KIF16B: variants seen among roughly 807,000 people sequenced by gnomAD.
KIF16B encodes kinesin-like protein KIF16B.
A neutral mutation model predicts 156.3 loss-of-function variants in KIF16B; 98 were observed. The ratio of observed to expected loss-of-function variants is 0.63; its 90% CI spans 0.53 to 0.74. KIF16B has a LOEUF of 0.74. Ranked by LOEUF, KIF16B falls within the 30% of genes least tolerant of loss-of-function variation. The pLI is 0.00. For missense variants in KIF16B, 1,421 were observed against 1,606.5 expected, an observed-to-expected ratio of 0.88 and a Z score of 1.97; for synonymous variants, 564 against 583.7, an observed-to-expected ratio of 0.97 and a Z score of 0.49.
chr20:16,552,069 C>G (rs1275028511), intron 1 of KIF16B, among the ~76,000 whole-genome samples: 1 of 152,224 alleles, frequency 6.6e-6, no homozygotes, highest in Non-Finnish European at 1.5e-5. Flanking sequence ...GTCCTCAACT[C>G]TCAAGCATCA....
chr20:16,522,340 G>A (rs995507956), intron 3 of KIF16B, among the ~76,000 whole-genome samples: 7 of 151,976 alleles, frequency 4.6e-5, no homozygotes, highest in Non-Finnish European at 7.4e-5. Flanking sequence ...CCAAGCAAAT[G>A]GAAAGCAAAA....
chr20:16,475,846 T>C (rs1195132344), intron 12 of KIF16B, among the ~76,000 whole-genome samples: 3 of 152,248 alleles, frequency 2.0e-5, no homozygotes, highest in Non-Finnish European at 4.4e-5. Flanking sequence ...GATATTACCC[T>C]GGTACTCTGC....
At chr20:16,429,268 T>C (rs2066437209) in intron 13 of KIF16B, among the ~76,000 whole-genome samples, 1 of 152,232 alleles carries the variant, frequency 6.6e-6, no homozygotes, top group South Asian at 2.1e-4. Flanking sequence ...CTGATGTTCC[T>C]GATCCTTTCT....
chr20:16,461,708 T>G (rs1974635809), intron 12 of KIF16B, among the ~76,000 whole-genome samples: 1 of 152,156 alleles, frequency 6.6e-6, no homozygotes, highest in Admixed American at 6.5e-5. Context: ...AAATACCAAA[T>G]TTTAGTGACC....
chr20:16,449,053 T>C (rs934337929), intron 12 of KIF16B, among the ~76,000 whole-genome samples: 6 of 151,304 alleles, frequency 4.0e-5, no homozygotes, highest in Non-Finnish European at 7.4e-5. Flanking sequence ...CAAGAATAAA[T>C]AGATGAAAAT....
At chr20:16,485,130 T>C (rs1029408999) in intron 12 of KIF16B, among the ~76,000 whole-genome samples, 16 of 152,132 alleles carry the variant, frequency 1.1e-4, no homozygotes, top group Non-Finnish European at 2.4e-4. Context: ...GAGACCACCA[T>C]GTAAAGGCCT....
intron 23 of KIF16B, among the ~76,000 whole-genome samples, chr20:16,355,858 T>C (rs1568879605): frequency 6.6e-6 from 1 of 152,214 alleles, no homozygotes; most frequent in Non-Finnish European, 1.5e-5. Context: ...ATAGCTACAA[T>C]TTACTGTTTA....
chr20:16,333,783 CTT>C (rs1477740610), intron 24 of KIF16B, among the ~76,000 whole-genome samples: 6 of 152,176 alleles, frequency 3.9e-5, no homozygotes, highest in Non-Finnish European at 8.8e-5. Flanking sequence ...TCTGAAAACT[CTT>C]TTAAATATCT....
chr20:16,563,188 C>T (rs779158163), intron 1 of KIF16B, among the ~76,000 whole-genome samples: 4 of 152,206 alleles, frequency 2.6e-5, no homozygotes, highest in South Asian at 2.1e-4. Flanking sequence ...ACAAATGCTC[C>T]GCCCAGGGAT....
chr20:16,505,489 G>A (rs1291471684), intron 9 of KIF16B, among the ~76,000 whole-genome samples: 3 of 152,144 alleles, frequency 2.0e-5, no homozygotes, highest in Non-Finnish European at 2.9e-5. Context: ...AAAAGTCTTC[G>A]TGCATGTTAT....
chr20:16,382,754 C>A (rs531277851), intron 17 of KIF16B, among the ~76,000 whole-genome samples: 1 of 152,024 alleles, frequency 6.6e-6, no homozygotes, highest in African/African-American at 2.4e-5. Context: ...TACCTCCCCC[C>A]ACCCCACCAC....
At chr20:16,375,866 G>A (rs901925435) in intron 19 of KIF16B, among the ~76,000 whole-genome samples, 4 of 152,162 alleles carry the variant, frequency 2.6e-5, no homozygotes, top group African/African-American at 9.7e-5. Context: ...GATTTATATG[G>A]ATGGCAAGGG....
At chr20:16,554,681 G>A (rs2070783590) in intron 1 of KIF16B, among the ~76,000 whole-genome samples, 1 of 152,234 alleles carries the variant, frequency 6.6e-6, no homozygotes, top group Admixed American at 6.5e-5. Flanking sequence ...GAGAGAAGAG[G>A]GGAGAGAAGA....
Position 16,526,143 on chromosome 20 carries a change from A to G in KIF16B, c.180T>C (p.Phe60=). 1 of 1,610,596 alleles carries G rather than the reference A, an allele frequency of 6.2e-7. No homozygotes were observed. The highest frequency in any genetic ancestry group is 8.5e-7 in the Non-Finnish European group (1 of 1,178,364). ...TTTTTGTATCAGCAGAATAAAAAGA[A>G]AAGTCATAGGTGAAGGTCTTGGTCC... ...RERTKTFTYD[F]SFYSADTKSP... The change falls in exon 3 of 26, where the codon TTT becomes TTC. Residue 60 remains phenylalanine, a synonymous_variant. Transcript: ENST00000354981.
At chr20:16,519,320 T>C (rs1445064999) in intron 3 of KIF16B, among the ~76,000 whole-genome samples, 2 of 152,176 alleles carry the variant, frequency 1.3e-5, no homozygotes, top group Non-Finnish European at 2.9e-5. Context: ...ACTCGCTATA[T>C]TGCCCAGGCT....
chr20:16,570,236 T>C (rs968553687), intron 1 of KIF16B, among the ~76,000 whole-genome samples: 2 of 152,204 alleles, frequency 1.3e-5, no homozygotes, highest in African/African-American at 2.4e-5. Context: ...TATATCTTTG[T>C]AGGCAGCAAT....
chr20:16,480,894 A>C (rs997801654), intron 12 of KIF16B, among the ~76,000 whole-genome samples: 1 of 152,226 alleles, frequency 6.6e-6, no homozygotes, highest in African/African-American at 2.4e-5. Context: ...GGCATCACCC[A>C]GTGTCTCCAA....
intron 1 of KIF16B, among the ~76,000 whole-genome samples, chr20:16,566,409 C>T (rs1282246997): frequency 6.6e-6 from 1 of 151,886 alleles, no homozygotes; most frequent in Non-Finnish European, 1.5e-5. Flanking sequence ...ATTACTGGTG[C>T]TAGTATTATT....
chr20:16,432,430 C>T (rs563595257), intron 12 of KIF16B, among the ~76,000 whole-genome samples: 15 of 152,266 alleles, frequency 9.9e-5, no homozygotes, highest in African/African-American at 3.6e-4. Context: ...AACTCCAACA[C>T]CCAACACAGC....
Sources: gnomAD v4.1 joint callset for allele counts (sites outside exome capture counted in the v4.1 genomes callset) on GRCh38, gnomAD v4.1.1 for gene constraint, MANE v1.5 for transcripts, NCBI Gene and HGNC (gene_info 2026-07-23, HGNC 2026-07-21) for gene names.